The following TRIM14 variants were observed in gnomAD, a reference collection of about 807,000 sequenced individuals.
TRIM14 encodes the protein tripartite motif containing 14, also known as tripartite motif-containing protein 14.
A neutral mutation model predicts 44.5 loss-of-function variants in TRIM14; 28 were observed. That is an observed-to-expected ratio of 0.63 (90% CI 0.47 to 0.86). TRIM14 has a LOEUF of 0.86. Ranked by LOEUF, TRIM14 falls within the 40% of genes least tolerant of loss-of-function variation. TRIM14 has a pLI of 0.00. For synonymous variants in TRIM14, 299 were observed against 269.2 expected (o/e 1.11, Z -1.08); for missense variants, 607 against 611.1 (o/e 0.99, Z 0.07).
Position 98,088,004 on chromosome 9 carries a change from G to C in TRIM14, c.795C>G (p.Tyr265Ter), listed in dbSNP as rs765929991. 1.3e-6 allele frequency: 2 copies of C among 1,530,124 alleles called. No homozygotes were observed. The highest frequency in any genetic ancestry group is 2.4e-5 in the South Asian group (2 of 82,704). 94.8% of individuals were successfully genotyped at this position (1,530,124 alleles called of 1,614,324 possible). A position where few individuals can be genotyped will look rare whatever the true frequency, so the allele number is the denominator to read the frequency against. The change falls in exon 6 of 6, where the codon TAC (tyrosine) becomes TAG (stop). Residue 265 changes from tyrosine to a stop codon, truncating the protein, a stop_gained and splice_region_variant. Transcript: ENST00000341469. LOFTEE classifies it high-confidence loss of function. ...PSPERSLLLK[Y>*]ARTPTLDPDT... The stretch of plus-strand genomic sequence containing the variant: ...CAGGATCCAGCGTGGGCGTGCGCGC[G>C]TCTGCAGGGGGCGAGACAAGGGACG...
chr9:98,118,852 C>G, intron 1 of TRIM14, 130 bp downstream of exon 1: 1 of 1,141,140 alleles, frequency 8.8e-7, no homozygotes, highest in Non-Finnish European at 1.2e-6. Context: ...TAGACGCCCT[C>G]TGGGGCACCT....
chr9:98,100,131 C>T lies in TRIM14; in HGVS notation c.337G>A (p.Gly113Arg). The part of the protein sequence containing the change: ...NAESSKTWLK[G>R]KFTELRLLLD... Reference sequence around the variant, plus strand: ...AGTAATCTGAGTTCAGTGAATTTCCCCTTCAGCCAGGTTTTACTTGACTCT... The same window carrying T: ...AGTAATCTGAGTTCAGTGAATTTCCTCTTCAGCCAGGTTTTACTTGACTCT... The change falls in exon 3 of 6, where the codon GGG becomes AGG. Residue 113 changes from glycine to arginine, a missense_variant. Gly to Arg is a moderately radical substitution (Grantham distance 125). Around this residue, in one of 3 missense-constraint regions of TRIM14, gnomAD observed 246 missense variants for 270.8 expected, o/e 0.91. Transcript: ENST00000341469. 6.2e-7 allele frequency: 1 copy of T among 1,614,102 alleles called. No homozygotes were observed. The highest frequency in any genetic ancestry group is 8.5e-7 in the Non-Finnish European group (1 of 1,180,024).
intron 6 of TRIM14, among the ~76,000 whole-genome samples, chr9:98,070,716 G>A (rs1165568324): frequency 6.7e-6 from 1 of 149,766 alleles, no homozygotes; most frequent in African/African-American, 2.4e-5. Flanking sequence ...CATCGCGCCT[G>A]GTCACAATTT....
rs1451110613 is a variant in TRIM14, at chr9:98,095,815, T to A, written c.538-786A>T. 2.0e-5 allele frequency among the ~76,000 whole-genome samples: 3 copies of A among 152,164 alleles called. No individual in the cohort carries two copies. The highest frequency in any genetic ancestry group is 7.2e-5 in the African/African-American group (3 of 41,434). ...CTCTGGTCAGTGGTGTGAGTGGTGATGTCTTGCCCAGCAGGGGTGCCGTGG... is the reference window on the plus strand; with the variant it reads ...CTCTGGTCAGTGGTGTGAGTGGTGAAGTCTTGCCCAGCAGGGGTGCCGTGG... On this transcript the variant is annotated intron_variant, in intron 3 of 5. Transcript: ENST00000341469. The surrounding 1 kb of genome is among the most constrained non-coding windows in gnomAD (Gnocchi z 4.1).
At chr9:98,107,589 T>A (rs758238600) in intron 2 of TRIM14, among the ~76,000 whole-genome samples, 3 of 152,136 alleles carry the variant, frequency 2.0e-5, no homozygotes, top group Non-Finnish European at 2.9e-5. Flanking sequence ...GCAACAATTA[T>A]CAAACAAATT....
rs1173907519 is a variant in TRIM14, at chr9:98,085,341, G to C, written c.*2129C>G. 6.6e-6 allele frequency: 1 copy of C among 152,446 alleles called. No homozygotes were observed. Among genetic ancestry groups the C allele is most frequent in the Non-Finnish European group, 1.5e-5 (1 of 68,202 alleles). 9.4% of individuals were successfully genotyped at this position (152,446 alleles called of 1,614,324 possible). A position where few individuals can be genotyped will look rare whatever the true frequency, so the allele number is the denominator to read the frequency against. On this transcript the variant is annotated 3_prime_UTR_variant, in exon 6 of 6. Transcript: ENST00000341469. Reference sequence around the variant, plus strand: ...AGACTCCAGCTCCACCACTAGCTGTGCGACCTTGGGCAAGTGACTCTGGGT... The same window carrying C: ...AGACTCCAGCTCCACCACTAGCTGTCCGACCTTGGGCAAGTGACTCTGGGT...
chr9:98,118,956 G>A, intron 1 of TRIM14, 26 bp downstream of exon 1: 1 of 1,490,268 alleles, frequency 6.7e-7, no homozygotes, highest in Non-Finnish European at 8.9e-7. Context: ...CTCCCGCGCG[G>A]CGAACCCCGT....
At chr9:98,046,485 A>G in the TRIM14 span, among the ~76,000 whole-genome samples, 2 of 151,586 alleles carry the variant, frequency 1.3e-5, no homozygotes, top group African/African-American at 4.9e-5. Context: ...CTTGTTGCCC[A>G]GGCTGTAGTG....
chr9:98,064,707 G>A (rs1451208666), downstream of TRIM14, among the ~76,000 whole-genome samples: 1 of 152,206 alleles, frequency 6.6e-6, no homozygotes, highest in Non-Finnish European at 1.5e-5. Flanking sequence ...GTTAGGAAAT[G>A]GGTCTTAAAG....
At position 98,087,996 on chromosome 9, in the gene TRIM14, G is replaced by A. The variant is rs770159621; in HGVS notation, c.803C>T (p.Thr268Met). Reference protein sequence around the residue: ...ERSLLLKYARTPTLDPDTMHA... With the variant: ...ERSLLLKYARMPTLDPDTMHA... ...CATCGTGTCAGGATCCAGCGTGGGC[G>A]TGCGCGCGTCTGCAGGGGGCGAGAC... The change falls in exon 6 of 6, where the codon ACG (threonine) becomes ATG (methionine). Residue 268 changes from threonine to methionine, a missense_variant. Physicochemically the swap from Thr to Met is moderately conservative, Grantham distance 81. This residue lies in a region of TRIM14 where 356 missense variants were observed against 323.0 expected (regional missense o/e 1.10). Coordinates refer to ENST00000341469, the MANE Select transcript of TRIM14 (RefSeq NM_014788.4). 7.8e-6 allele frequency: 12 copies of A among 1,543,554 alleles called. No individual in the cohort carries two copies. The African/African-American group carries it at 1.7e-4, about 22-fold the overall frequency.
chr9:98,080,018 A>T (rs1829781542), downstream of TRIM14, among the ~76,000 whole-genome samples: 1 of 152,198 alleles, frequency 6.6e-6, no homozygotes, highest in Non-Finnish European at 1.5e-5. Context: ...GCTTGAGACC[A>T]GCCTGGCCAA....
At chr9:98,093,791 GT>G (rs1347407706) in intron 4 of TRIM14, among the ~76,000 whole-genome samples, 2 of 151,988 alleles carry the variant, frequency 1.3e-5, no homozygotes, top group African/African-American at 4.8e-5. Flanking sequence ...TGTCACCCAG[GT>G]TGAAGTACAG....
At chr9:98,069,872 T>G (rs75244378) in intron 6 of TRIM14, among the ~76,000 whole-genome samples, 2,992 of 152,224 alleles carry the variant, frequency 0.02, 110 homozygotes, top group African/African-American at 0.068. Context: ...AAATTGCATA[T>G]AATTAAATAT....
chr9:98,081,094 C>T (rs955071221), downstream of TRIM14: 30 of 1,613,794 alleles, frequency 1.9e-5, no homozygotes, highest in East Asian at 6.7e-5. Flanking sequence ...TGTGTCCTGC[C>T]GGACTCTACT....
chr9:98,036,822 C>T, the TRIM14 span, among the ~76,000 whole-genome samples: 1 of 152,026 alleles, frequency 6.6e-6, no homozygotes, highest in Admixed American at 6.6e-5. Context: ...CAAAACAAAA[C>T]AAAAAGTCCT....
At chr9:98,092,454 G>T in intron 4 of TRIM14, 1 of 362,882 alleles carries the variant, frequency 2.8e-6, no homozygotes, top group Middle Eastern at 4.3e-4. Flanking sequence ...CCCTTGCCCA[G>T]GTTGCCTCCT....
chr9:98,043,386 G>A, the TRIM14 span, among the ~76,000 whole-genome samples: 1 of 151,878 alleles, frequency 6.6e-6, no homozygotes, highest in Non-Finnish European at 1.5e-5. Flanking sequence ...AGGCTGGTCT[G>A]GAACTCCTGA....
chr9:98,041,947 T>C, the TRIM14 span, among the ~76,000 whole-genome samples: 3 of 151,608 alleles, frequency 2.0e-5, no homozygotes, highest in Non-Finnish European at 4.4e-5. Context: ...CCTCCCGAAG[T>C]GTTAGGATTA....
At chr9:98,048,986 TC>T in the TRIM14 span, among the ~76,000 whole-genome samples, 6 of 149,480 alleles carry the variant, frequency 4.0e-5, no homozygotes, top group Non-Finnish European at 8.9e-5. Flanking sequence ...TGCCACTGCA[TC>T]CCAGCCTGGG....
Sources: allele counts gnomAD v4.1 joint callset (sites outside exome capture counted in the v4.1 genomes callset), GRCh38; gene constraint gnomAD v4.1.1; regional missense constraint gnomAD v4.1.1; non-coding constraint Gnocchi (gnomAD v3.1); transcripts MANE v1.5; gene names NCBI Gene and HGNC (gene_info 2026-07-23, HGNC 2026-07-21).